Variants in RNGTT observed in about 807,000 individuals in gnomAD.
RNGTT encodes the protein mRNA-capping enzyme.
Under a neutral mutation model 79.3 loss-of-function variants are expected in RNGTT, and 33 were observed. The ratio of observed to expected loss-of-function variants is 0.42; its 90% CI spans 0.32 to 0.56. RNGTT has a LOEUF of 0.56. Ranked by LOEUF, RNGTT falls within the 20% of genes least tolerant of loss-of-function variation. The pLI is 0.17. For missense variants in RNGTT, 497 were observed against 739.1 expected, an observed-to-expected ratio of 0.67 and a Z score of 3.80; for synonymous variants, 222 against 235.9, an observed-to-expected ratio of 0.94 and a Z score of 0.54.
chr6:88,852,603 G>A (rs900542492), intron 9 of RNGTT, among the ~76,000 whole-genome samples: 1 of 151,780 alleles, frequency 6.6e-6, no homozygotes, highest in Non-Finnish European at 1.5e-5. Flanking sequence ...GTGGTATTTT[G>A]TTACTCATGC....
intron 5 of RNGTT, among the ~76,000 whole-genome samples, chr6:88,905,580 C>T (rs920431733): frequency 2.0e-5 from 3 of 152,140 alleles, no homozygotes; most frequent in African/African-American, 7.2e-5. Context: ...CCTCAGTCAA[C>T]AAGAAAATTC....
intron 12 of RNGTT, among the ~76,000 whole-genome samples, chr6:88,798,758 TTAAAAAG>T: frequency 6.6e-6 from 1 of 152,326 alleles, no homozygotes; most frequent in Admixed American, 6.5e-5. Flanking sequence ...GTTTATGATT[TTAAAAAG>T]AATTATTGGA....
chr6:88,616,960 T>C (rs776779559), intron 14 of RNGTT, among the ~76,000 whole-genome samples: 2 of 152,224 alleles, frequency 1.3e-5, no homozygotes, highest in Non-Finnish European at 2.9e-5. Context: ...AAGAAATCAT[T>C]GCCTAATCCA....
At chr6:88,860,839 C>A (rs62428979) in intron 8 of RNGTT, among the ~76,000 whole-genome samples, 36 of 118,748 alleles carry the variant, frequency 3.0e-4, no homozygotes, top group South Asian at 1.3e-3. Context: ...AAAAAAAAAA[C>A]ATGTTAATGG....
At chr6:88,660,617 T>C (rs1485112317) in intron 14 of RNGTT, among the ~76,000 whole-genome samples, 1 of 150,842 alleles carries the variant, frequency 6.6e-6, no homozygotes, top group African/African-American at 2.5e-5. Context: ...CAGGAAAATA[T>C]CACAATCCTA....
intron 13 of RNGTT, among the ~76,000 whole-genome samples, chr6:88,702,374 G>C (rs1360158554): frequency 6.6e-6 from 1 of 152,004 alleles, no homozygotes; most frequent in African/African-American, 2.4e-5. Flanking sequence ...ACATAAACTG[G>C]TGAAACAGAA....
intron 13 of RNGTT, among the ~76,000 whole-genome samples, chr6:88,769,280 C>T (rs1778568529): frequency 6.6e-6 from 1 of 152,116 alleles, no homozygotes; most frequent in East Asian, 1.9e-4. Flanking sequence ...CCCACCTCAG[C>T]CTCCCGAGTA....
intron 14 of RNGTT, among the ~76,000 whole-genome samples, chr6:88,674,581 C>T (rs923993923): frequency 2.6e-5 from 4 of 151,926 alleles, no homozygotes; most frequent in African/African-American, 4.8e-5. Context: ...GACTGAACAT[C>T]TTCAGTATTA....
chr6:88,782,959 A>G (rs572816763), intron 12 of RNGTT, among the ~76,000 whole-genome samples: 2 of 152,308 alleles, frequency 1.3e-5, no homozygotes, highest in East Asian at 3.9e-4. Flanking sequence ...GTAAATTGGT[A>G]CAGCCCATTA....
intron 8 of RNGTT, among the ~76,000 whole-genome samples, chr6:88,870,082 C>A (rs1782307043): frequency 6.6e-6 from 1 of 152,090 alleles, no homozygotes; most frequent in Non-Finnish European, 1.5e-5. Context: ...GCAAAAATAG[C>A]AGCAACATTA....
intron 13 of RNGTT, among the ~76,000 whole-genome samples, chr6:88,761,931 T>C (rs1428442244): frequency 6.6e-6 from 1 of 152,042 alleles, no homozygotes; most frequent in Admixed American, 6.6e-5. Context: ...AAAGTAAGTG[T>C]CTGGTAACCC....
chr6:88,726,027 C>G (rs1562219226), intron 13 of RNGTT, among the ~76,000 whole-genome samples: 3 of 151,592 alleles, frequency 2.0e-5, no homozygotes, highest in East Asian at 1.9e-4. Context: ...GAGAGAGAGA[C>G]AGAGAGTCAA....
At chr6:88,785,158 T>A (rs1779187392) in intron 12 of RNGTT, among the ~76,000 whole-genome samples, 1 of 152,166 alleles carries the variant, frequency 6.6e-6, no homozygotes, top group Non-Finnish European at 1.5e-5. Flanking sequence ...GTGTTTAATA[T>A]GTATCATTTA....
chr6:88,851,104 G>A (rs542159423), intron 9 of RNGTT, among the ~76,000 whole-genome samples: 1 of 151,040 alleles, frequency 6.6e-6, no homozygotes, highest in Admixed American at 6.6e-5. Flanking sequence ...TGACCTTGTG[G>A]AAAAGACTAA....
chr6:88,853,836 C>T, intron 8 of RNGTT, 72 bp from the exon 9 acceptor site: 2 of 932,054 alleles, frequency 2.1e-6, no homozygotes. Context: ...AAATAACATA[C>T]TGGTTTTCCA....
intron 1 of RNGTT, among the ~76,000 whole-genome samples, chr6:88,942,617 T>C (rs114330189): frequency 2.4e-3 from 365 of 152,172 alleles, no homozygotes; most frequent in African/African-American, 8.3e-3. Flanking sequence ...GCAATTCGCC[T>C]ACCTCGGCCT....
intron 12 of RNGTT, among the ~76,000 whole-genome samples, chr6:88,800,500 A>T (rs1428917065): frequency 6.6e-6 from 1 of 152,234 alleles, no homozygotes; most frequent in African/African-American, 2.4e-5. Context: ...CAACTAGCTT[A>T]TACTCTAATT....
chr6:88,935,400 C>T (rs1784634794), intron 2 of RNGTT, among the ~76,000 whole-genome samples: 1 of 152,134 alleles, frequency 6.6e-6, no homozygotes, highest in Non-Finnish European at 1.5e-5. Flanking sequence ...TATTCAGGCT[C>T]ATTTCAGGTT....
At chr6:88,896,934 A>G (rs1044413698) in intron 6 of RNGTT, among the ~76,000 whole-genome samples, 7 of 152,170 alleles carry the variant, frequency 4.6e-5, no homozygotes, top group Non-Finnish European at 8.8e-5. Flanking sequence ...TCTTTGTCCA[A>G]CTGGAACATC....
Sources: allele counts gnomAD v4.1 joint callset (sites outside exome capture counted in the v4.1 genomes callset), GRCh38; gene constraint gnomAD v4.1.1; transcripts MANE v1.5; gene names NCBI Gene and HGNC (gene_info 2026-07-23, HGNC 2026-07-21).